Variants in MUC3A observed in about 807,000 individuals in gnomAD.
MUC3A encodes mucin 3A, cell surface associated, also known as mucin-3A.
Under a neutral mutation model 109.0 loss-of-function variants are expected in MUC3A, and 109 were observed. That is an observed-to-expected ratio of 1.00 (90% CI 0.86 to 1.17). MUC3A has a LOEUF of 1.17. Among genes scored for constraint, MUC3A ranks in the 50% most tolerant of loss-of-function variants. The pLI, the probability that MUC3A is intolerant of heterozygous loss-of-function variation, is 0.00. For missense variants in MUC3A, 3,537 were observed against 2,469.4 expected, an observed-to-expected ratio of 1.43 and a Z score of -9.16; for synonymous variants, 1,398 against 981.4, an observed-to-expected ratio of 1.42 and a Z score of -7.93.
At position 100,959,905 on chromosome 7, in the gene MUC3A, C is replaced by A. The variant is rs113556743; in HGVS notation, c.8126C>A (p.Ser2709Tyr). 2,773 of 1,528,198 alleles carry A rather than the reference C, an allele frequency of 1.8e-3. No individual in the cohort carries two copies. In the African/African-American group the frequency reaches 0.03, roughly 16 times the overall value. The allele number at this position is 1,528,198 out of a possible 1,614,324, so 94.7% of individuals were successfully genotyped here. The change falls in exon 2 of 12, where the codon TCT (serine) becomes TAT (tyrosine). Residue 2709 changes from serine (S) to tyrosine (Y), a missense_variant. By Grantham distance (144) the Ser-to-Tyr change is moderately radical (BLOSUM62 -2). Coordinates refer to ENST00000379458, the MANE Select transcript of MUC3A (RefSeq NM_005960.2). ...CCAGTGTTTTCCACTACCATTCATTCTGTTCCTTCTTCACCATACATTTTC... is the reference window on the plus strand; with the variant it reads ...CCAGTGTTTTCCACTACCATTCATTATGTTCCTTCTTCACCATACATTTTC... Reference protein sequence around the residue: ...ITPVFSTTIHSVPSSPYIFST... With the variant: ...ITPVFSTTIHYVPSSPYIFST...
chr7:100,960,482 C>T lies in MUC3A; in HGVS notation c.8703C>T (p.Thr2901=), dbSNP rs755214905. 9 of 1,598,678 alleles carry T rather than the reference C, an allele frequency of 5.6e-6. No individual in the cohort carries two copies. The highest frequency in any genetic ancestry group is 2.2e-5 in the South Asian group (2 of 91,092). Residue 2901 remains threonine, a synonymous_variant, in exon 2 of 12, where the codon ACC becomes ACT. Transcript: ENST00000379458. ...TGAAACCAAGCAGTAGCCTCCCGAC[C>T]ATCCTGAGGACTTCAAGCAAGTCAA... ...LTMKPSSSLP[T]ILRTSSKSTH...
rs753468463 is a variant in MUC3A, at chr7:100,960,773, C to T, written c.8888C>T (p.Thr2963Ile). Residue 2963 changes from threonine to isoleucine, a missense_variant, in exon 3 of 12, where the codon ACC becomes ATC. Thr to Ile is a moderately conservative substitution (Grantham distance 89, BLOSUM62 -1). Transcript: ENST00000379458. ...TTAGTCDNGGTWEQGQCACLP... is the reference protein window; with the variant it reads ...TTAGTCDNGGIWEQGQCACLP... ...CCAGGCACCTGTGACAATGGTGGCACCTGGGAACAGGGCCAGTGTGCTTGC... is the reference window on the plus strand; with the variant it reads ...CCAGGCACCTGTGACAATGGTGGCATCTGGGAACAGGGCCAGTGTGCTTGC... The T allele has an allele frequency of 1.2e-5, 19 of 1,598,002 alleles. No individual in the cohort carries two copies. The highest frequency in any genetic ancestry group is 1.6e-5 in the Non-Finnish European group (19 of 1,179,562).
In MUC3A at chr7:100,966,474, G is replaced by A; in HGVS notation, c.9700G>A (p.Gly3234Ser). 1 of 1,327,624 alleles carries A rather than the reference G, an allele frequency of 7.5e-7. No individual in the cohort carries two copies. Among genetic ancestry groups the A allele is most frequent in the South Asian group, 2.7e-5 (1 of 37,146 alleles). 82.2% of individuals were successfully genotyped at this position (1,327,624 alleles called of 1,614,324 possible). Residue 3234 changes from glycine to serine, a missense_variant, in exon 9 of 12, where the codon GGC becomes AGC. Physicochemically the swap from Gly to Ser is moderately conservative, Grantham distance 56. Transcript: ENST00000379458. ...WRALVGGLTAGAALLVLLLLA... is the reference protein window; with the variant it reads ...WRALVGGLTASAALLVLLLLA... ...GGCGCTGGTCGGGGGCCTGACGGCC[G>A]GCGCCGCGCTGCTGGTGCTGCTGCT...
At position 100,955,893 on chromosome 7, in the gene MUC3A, T is replaced by G. The variant is rs1287894131; in HGVS notation, c.4114T>G (p.Phe1372Val). The change falls in exon 2 of 12, where the codon TTT becomes GTT. Residue 1372 changes from phenylalanine to valine, a missense_variant. Coordinates refer to ENST00000379458, the MANE Select transcript of MUC3A (RefSeq NM_005960.2). ...ETTTLTPTTD[F>V]STESLTTAMT... The stretch of plus-strand genomic sequence containing the variant: ...CACCACACTGACTCCTACAACTGAC[T>G]TTTCTACAGAATCTCTCACAACAGC... 1 of 248,166 alleles carries G rather than the reference T, an allele frequency of 4.0e-6. No homozygotes were observed. 15.4% of individuals were successfully genotyped at this position (248,166 alleles called of 1,614,324 possible). A position where few individuals can be genotyped will look rare whatever the true frequency, so the allele number is the denominator to read the frequency against.
At chr7:100,966,797 A>T (rs1326951438) in intron 10 of MUC3A, 54 bp downstream of exon 10, 13 of 1,598,338 alleles carry the variant, frequency 8.1e-6, no homozygotes, top group Non-Finnish European at 1.0e-5. Context: ...CACCACTGCG[A>T]GGACAGACGC....
rs532973836 is a variant in MUC3A at position 100,952,499 on chromosome 7, G to A, written c.720G>A (p.Thr240=). Residue 240 remains threonine, a synonymous_variant, in exon 2 of 12, where the codon ACG becomes ACA. Transcript: ENST00000379458. The stretch of plus-strand genomic sequence containing the variant: ...CCACTGGAAGCATCCATACAACCAC[G>A]TCCCCAACCCCAGTATTTACTACTC... ...PLPTGSIHTT[T]SPTPVFTTLK... 3.6e-5 allele frequency: 57 copies of A among 1,598,438 alleles called. No homozygotes were observed. In the Admixed American group the frequency reaches 5.2e-4, roughly 14 times the overall value.
rs547910048 is a variant in MUC3A at position 100,958,930 on chromosome 7, C to T, written c.7151C>T (p.Thr2384Ile). The T allele has an allele frequency of 1.9e-4, 294 of 1,512,546 alleles. 3 individuals carry two copies. In the East Asian group the frequency reaches 7.0e-3, roughly 36 times the overall value. 93.7% of individuals were successfully genotyped at this position (1,512,546 alleles called of 1,614,324 possible). A position where few individuals can be genotyped will look rare whatever the true frequency, so the allele number is the denominator to read the frequency against. ...SFSSSITTTE[T>I]PLHSTPGLTS... ...AGTTCTTCAATCACCACCACTGAGA[C>T]CCCCTTACACAGTACTCCTGGCCTC... The change falls in exon 2 of 12, where the codon ACC becomes ATC. Residue 2384 changes from threonine (T) to isoleucine (I), a missense_variant. Thr to Ile is a moderately conservative substitution (Grantham distance 89, BLOSUM62 -1). Coordinates refer to ENST00000379458, the MANE Select transcript of MUC3A (RefSeq NM_005960.2).
At position 100,967,523 on chromosome 7, in the gene MUC3A, C is replaced by G. The variant is rs1429507504; in HGVS notation, c.*361C>G. ...CCTACTCTGCCCTCCCGTCTCAGCC[C>G]TCGTGTTGCCATTGCCTCTCTCGGA... On this transcript the variant is annotated 3_prime_UTR_variant, in exon 12 of 12. Coordinates refer to ENST00000379458, the MANE Select transcript of MUC3A (RefSeq NM_005960.2). 6 of 499,186 alleles carry G rather than the reference C, an allele frequency of 1.2e-5. No homozygotes were observed. The highest frequency in any genetic ancestry group is 9.6e-5 in the African/African-American group (5 of 52,240). The allele number at this position is 499,186 out of a possible 1,614,324, so 30.9% of individuals were successfully genotyped here. A position where few individuals can be genotyped will look rare whatever the true frequency, so the allele number is the denominator to read the frequency against.
chr7:100,965,183 A>G, intron 6 of MUC3A, 99 bp from the exon 7 acceptor site: 1 of 1,531,270 alleles, frequency 6.5e-7, no homozygotes, highest in South Asian at 1.2e-5. Flanking sequence ...GAGAGCCCTC[A>G]CTGCCCTCCC....
intron 2 of MUC3A, 44 bp downstream of exon 2, chr7:100,960,689 A>G: frequency 6.3e-7 from 1 of 1,592,444 alleles, no homozygotes; most frequent in Non-Finnish European, 8.5e-7. Flanking sequence ...CTCCCCTGCA[A>G]AATTCCTGTG....
rs1792221894 is a variant in MUC3A at position 100,959,159 on chromosome 7, C to G, written c.7380C>G (p.Thr2460=). 6.3e-7 allele frequency: 1 copy of G among 1,597,588 alleles called. No homozygotes were observed. The highest frequency in any genetic ancestry group is 1.3e-5 in the African/African-American group (1 of 74,690). The change falls in exon 2 of 12, where the codon ACC becomes ACG. Residue 2460 remains threonine (T), a synonymous_variant. Coordinates refer to ENST00000379458, the MANE Select transcript of MUC3A (RefSeq NM_005960.2). ...TCAGCACATCCACAACTGCCATCAC[C>G]TCACATTTTACTACCTCAGAGACTG... ...STVSTSTTAI[T]SHFTTSETAV...
Position 100,965,809 on chromosome 7 carries a change from AC to A in MUC3A, c.9555del (p.Asn3185LysfsTer47). On this transcript the variant is annotated frameshift_variant, in exon 8 of 12. Transcript: ENST00000379458. LOFTEE classifies it high-confidence loss of function. Reference sequence around the variant, plus strand: ...ACCAAATGCACGTCGGGGGTGGACAACGCCATCGACTGTCACCAGGGCCAGT... The same window carrying A: ...ACCAAATGCACGTCGGGGGTGGACAAGCCATCGACTGTCACCAGGGCCAGT... ...CVTKCTSGVD[N>X]AIDCHQGQCV... The A allele has an allele frequency of 6.3e-7, 1 of 1,597,564 alleles. No homozygotes were observed. Among genetic ancestry groups the A allele is most frequent in the Non-Finnish European group, 8.5e-7 (1 of 1,179,092 alleles).
chr7:100,959,424 T>A lies in MUC3A; in HGVS notation c.7645T>A (p.Ser2549Thr). The change falls in exon 2 of 12, where the codon TCC becomes ACC. Residue 2549 changes from serine (S) to threonine (T), a missense_variant. Physicochemically the swap from Ser to Thr is moderately conservative, Grantham distance 58. Coordinates refer to ENST00000379458, the MANE Select transcript of MUC3A (RefSeq NM_005960.2). ...TGTGGGCACCACCTCTCCCACCATG[T>A]CCACTGTGAGAATGACCCTCAGAAT... ...SLVGTTSPTM[S>T]TVRMTLRITE... The A allele has an allele frequency of 6.5e-7, 1 of 1,539,894 alleles. No homozygotes were observed. The highest frequency in any genetic ancestry group is 8.7e-7 in the Non-Finnish European group (1 of 1,154,802).
At position 100,966,638 on chromosome 7, in the gene MUC3A, G is replaced by A. The variant is rs755611134; in HGVS notation, c.9786-14G>A. On this transcript the variant is annotated splice_polypyrimidine_tract_variant and intron_variant, in intron 9 of 11. Coordinates refer to ENST00000379458, the MANE Select transcript of MUC3A (RefSeq NM_005960.2). ...CGGGCCGGCTCTGTCTGACCGCGCGGCGGCCCCACCTAGGTCCTGGGACCA... is the reference window on the plus strand; with the variant it reads ...CGGGCCGGCTCTGTCTGACCGCGCGACGGCCCCACCTAGGTCCTGGGACCA... The A allele has an allele frequency of 1.3e-6, 2 of 1,598,376 alleles. No individual in the cohort carries two copies.
At chr7:100,967,084 G>C (rs765670549) in intron 11 of MUC3A, 37 bp from the exon 12 acceptor site, 3 of 1,598,418 alleles carry the variant, frequency 1.9e-6, no homozygotes, top group African/African-American at 2.7e-5. Context: ...CCAAACCAGT[G>C]GCTCCGCGTT....
At position 100,963,726 on chromosome 7, in the gene MUC3A, C is replaced by G; in HGVS notation, c.9207C>G (p.Phe3069Leu). The change falls in exon 5 of 12, where the codon TTC (phenylalanine) becomes TTG (leucine). Residue 3069 changes from phenylalanine (F) to leucine (L), a missense_variant. Phe to Leu is a conservative substitution (Grantham distance 22). Transcript: ENST00000379458. ...KIFADMQGFTFKGVEILSLRN... is the reference protein window; with the variant it reads ...KIFADMQGFTLKGVEILSLRN... ...TTGCAGACATGCAGGGCTTCACCTT[C>G]AAGGGTGTGGAGATCCTGTCCCTGA... 1 of 1,598,558 alleles carries G rather than the reference C, an allele frequency of 6.3e-7. No homozygotes were observed. Among genetic ancestry groups the G allele is most frequent in the Non-Finnish European group, 8.5e-7 (1 of 1,179,832 alleles).
At position 100,956,848 on chromosome 7, in the gene MUC3A, T is replaced by C. The variant is rs1015648892; in HGVS notation, c.5069T>C (p.Leu1690Pro). ...ISSPPAITST[L>P]HTTAESTPSP... is the part of the protein sequence containing the mutation. ...TCACCCCCAGCCATCACCAGTACAC[T>C]CCACACAACAGCTGAATCCACCCCA... Residue 1690 changes from leucine (L) to proline (P), a missense_variant, in exon 2 of 12, where the codon CTC becomes CCC. Leu to Pro is a moderately conservative substitution (Grantham distance 98). Coordinates refer to ENST00000379458, the MANE Select transcript of MUC3A (RefSeq NM_005960.2). 19 of 414,030 alleles carry C rather than the reference T, an allele frequency of 4.6e-5. No homozygotes were observed. Among genetic ancestry groups the C allele is most frequent in the African/African-American group, 3.9e-4 (19 of 48,814 alleles). The allele number at this position is 414,030 out of a possible 1,614,324, so 25.6% of individuals were successfully genotyped here.
At chr7:100,964,519 G>A in intron 5 of MUC3A, 176 bp from the exon 6 acceptor site, 2 of 1,067,388 alleles carry the variant, frequency 1.9e-6, no homozygotes, top group East Asian at 2.7e-5. Flanking sequence ...GCCTTCCCAG[G>A]CAGACCAAGT....
In MUC3A at chr7:100,957,518, C is replaced by A; in HGVS notation, c.5739C>A (p.Thr1913=). ...STPSFTSSIA[T]TETPSHSTPR... Reference sequence around the variant, plus strand: ...CTAGCTTCACTTCTTCAATCGCAACCACCGAGACCCCCTCACACAGTACTC... The same window carrying A: ...CTAGCTTCACTTCTTCAATCGCAACAACCGAGACCCCCTCACACAGTACTC... Residue 1913 remains threonine (T), a synonymous_variant, in exon 2 of 12, where the codon ACC becomes ACA. Transcript: ENST00000379458. 1 of 1,535,882 alleles carries A rather than the reference C, an allele frequency of 6.5e-7. No homozygotes were observed. Among genetic ancestry groups the A allele is most frequent in the Non-Finnish European group, 8.7e-7 (1 of 1,151,996 alleles).
Sources: gnomAD v4.1 joint callset for allele counts on GRCh38, gnomAD v4.1.1 for gene constraint, MANE v1.5 for transcripts, NCBI Gene and HGNC (gene_info 2026-07-23, HGNC 2026-07-21) for gene names.